TTC19: variants seen among roughly 807,000 people sequenced by gnomAD.
TTC19 encodes the protein tetratricopeptide repeat protein 19, mitochondrial.
In TTC19, 38 loss-of-function variants were observed where a neutral mutation model predicts 49.5. That is an observed-to-expected ratio of 0.77 (90% CI 0.59 to 1.01). TTC19 has a LOEUF of 1.01. Ranked by LOEUF, TTC19 falls within the 50% of genes least tolerant of loss-of-function variation. The pLI is 0.00. For synonymous variants in TTC19, 204 were observed against 185.2 expected, an observed-to-expected ratio of 1.10 and a Z score of -0.83; for missense variants, 475 against 477.7, an observed-to-expected ratio of 0.99 and a Z score of 0.05.
chr17:16,037,024 CAGACTT>C (rs2056531308), intron 2 of TTC19, among the ~76,000 whole-genome samples: 1 of 152,216 alleles, frequency 6.6e-6, no homozygotes, highest in African/African-American at 2.4e-5. Context: ...TTTCAAGTGA[CAGACTT>C]AGTGATTCTT....
rs573734575 is a variant in TTC19, at chr17:16,037,562, C to T, written c.248-6941C>T. On this transcript the variant is annotated intron_variant, in intron 2 of 2. Transcript: ENST00000470649. ...TGAAATTTCTGGGACATCAAGCCTTCTTTACTGGCCTCAGAGTACAGAAAC... is the reference window on the plus strand; with the variant it reads ...TGAAATTTCTGGGACATCAAGCCTTTTTTACTGGCCTCAGAGTACAGAAAC... Among the ~76,000 whole-genome samples, 269 of 152,318 alleles carry T rather than the reference C, an allele frequency of 1.8e-3. No homozygotes were observed. In the South Asian group the frequency reaches 0.019, roughly 11 times the overall value.
chr17:16,042,894 CA>C (rs1170927805), intron 2 of TTC19, among the ~76,000 whole-genome samples: 35 of 152,232 alleles, frequency 2.3e-4, no homozygotes, highest in Middle Eastern at 3.4e-3. Context: ...AGCTGGGCTA[CA>C]GATACAAATT....
intron 7 of TTC19, among the ~76,000 whole-genome samples, chr17:16,017,558 A>C (rs1469598652): frequency 6.6e-6 from 1 of 151,852 alleles, no homozygotes; most frequent in Non-Finnish European, 1.5e-5. Context: ...TCAGGAGTTC[A>C]AGACCAGCCT....
chr17:16,040,466 A>T, intron 2 of TTC19: 1 of 1,613,840 alleles, frequency 6.2e-7, no homozygotes, highest in Non-Finnish European at 8.5e-7. Context: ...CTGGCAGATT[A>T]AAGATCTCAG....
intron 3 of TTC19, chr17:16,002,586 GT>G: frequency 3.3e-6 from 2 of 599,950 alleles, no homozygotes; most frequent in Non-Finnish European, 5.9e-6. Context: ...CCTAGATTTG[GT>G]TTGTTAACAA....
At chr17:16,020,257 T>C (rs1039040971) in intron 7 of TTC19, among the ~76,000 whole-genome samples, 1 of 152,232 alleles carries the variant, frequency 6.6e-6, no homozygotes, top group African/African-American at 2.4e-5. Context: ...AGGAATTTCA[T>C]TGTGGCTTCA....
intron 2 of TTC19, chr17:16,035,043 T>C (rs1030429665): frequency 2.6e-6 from 3 of 1,147,616 alleles, no homozygotes; most frequent in Non-Finnish European, 2.5e-6. Context: ...AAAAGCAGAA[T>C]GGTAACATGA....
chr17:16,013,466 C>T (rs1198255869), intron 7 of TTC19, among the ~76,000 whole-genome samples: 1 of 152,200 alleles, frequency 6.6e-6, no homozygotes, highest in African/African-American at 2.4e-5. Context: ...TATGCATTCT[C>T]ACTCATCTTT....
At chr17:16,013,538 G>A (rs1403116316) in intron 7 of TTC19, among the ~76,000 whole-genome samples, 1 of 151,900 alleles carries the variant, frequency 6.6e-6, no homozygotes, top group Admixed American at 6.6e-5. Flanking sequence ...TAGTATATCT[G>A]GTATTTTGGT....
At chr17:16,017,285 G>A (rs1012274418) in intron 7 of TTC19, among the ~76,000 whole-genome samples, 2 of 151,630 alleles carry the variant, frequency 1.3e-5, no homozygotes, top group Non-Finnish European at 1.5e-5. Context: ...TTAAAAATTA[G>A]TGAGGCGAAA....
chr17:16,040,617 C>A, intron 2 of TTC19: 1 of 877,046 alleles, frequency 1.1e-6, no homozygotes, highest in Non-Finnish European at 1.8e-6. Context: ...ACCTTTATTT[C>A]TCACCCATTA....
chr17:16,023,238 T>C (rs1971439348), intron 7 of TTC19: 1 of 152,232 alleles, frequency 6.6e-6, no homozygotes, highest in South Asian at 2.1e-4. Flanking sequence ...ATAGCTAAAT[T>C]GTACCTCACT....
intron 7 of TTC19, among the ~76,000 whole-genome samples, chr17:16,013,504 T>C (rs1971135160): frequency 6.6e-6 from 1 of 152,216 alleles, no homozygotes; most frequent in Admixed American, 6.5e-5. Flanking sequence ...TTTTTCCTTT[T>C]ATTTCTAAAC....
At chr17:16,039,949 C>T in intron 2 of TTC19, 1 of 402,664 alleles carries the variant, frequency 2.5e-6, no homozygotes, top group Non-Finnish European at 4.7e-6. Context: ...CACCACCACA[C>T]CAGGCTAATT....
chr17:16,032,151 T>C, downstream of TTC19: 1 of 820,384 alleles, frequency 1.2e-6, no homozygotes, highest in South Asian at 2.3e-5. Context: ...ACTTCCATCA[T>C]TTCTTCATCA....
chr17:16,027,718 C>T lies in TTC19; in HGVS notation c.*196C>T. 1.5e-6 allele frequency: 1 copy of T among 670,156 alleles called. No individual in the cohort carries two copies. Among genetic ancestry groups the T allele is most frequent in the Non-Finnish European group, 2.7e-6 (1 of 370,820 alleles). The allele number at this position is 670,156 out of a possible 1,614,324, so 41.5% of individuals were successfully genotyped here. A position where few individuals can be genotyped will look rare whatever the true frequency, so the allele number is the denominator to read the frequency against. ...AAGGAAAAATGACTTTCATTCCCAA[C>T]TGATTATGACCTTTCAGGATGTCGT... On this transcript the variant is annotated 3_prime_UTR_variant, in exon 10 of 10. Coordinates refer to ENST00000261647, the MANE Select transcript of TTC19 (RefSeq NM_017775.4).
chr17:16,032,274 T>C (rs2151752268), downstream of TTC19: 1 of 1,587,880 alleles, frequency 6.3e-7, no homozygotes. Context: ...TCCTGCACCC[T>C]GTTCCCCTCA....
chr17:16,025,744 TG>T (rs1381230258), intron 8 of TTC19, among the ~76,000 whole-genome samples: 13 of 152,224 alleles, frequency 8.5e-5, no homozygotes, highest in African/African-American at 3.1e-4. Flanking sequence ...AGGAGTGCAT[TG>T]CTTTGTCTAT....
chr17:16,031,156 C>T (rs1218936029), downstream of TTC19: 1 of 196,714 alleles, frequency 5.1e-6, no homozygotes, highest in East Asian at 7.9e-5. Context: ...GAAATGAAAA[C>T]ATTTAACAGT....
Sources: gnomAD v4.1 joint callset for allele counts (sites outside exome capture counted in the v4.1 genomes callset) on GRCh38, gnomAD v4.1.1 for gene constraint, MANE v1.5 for transcripts, NCBI Gene and HGNC (gene_info 2026-07-23, HGNC 2026-07-21) for gene names.